Variants in CCDC7 observed in about 807,000 individuals in gnomAD.
The protein encoded by CCDC7 is coiled-coil domain containing 7.
Under a neutral mutation model 196.9 loss-of-function variants are expected in CCDC7, and 183 were observed. The observed-to-expected ratio is 0.93, with a 90% CI of 0.82 to 1.05. The LOEUF is 1.05. Among genes scored for constraint, CCDC7 ranks in the 50% least tolerant of loss-of-function variants. The pLI, the probability that CCDC7 is intolerant of heterozygous loss-of-function variation, is 0.00. For missense variants in CCDC7, 1,540 were observed against 1,482.2 expected (o/e 1.04, Z -0.64); for synonymous variants, 525 against 484.6 (o/e 1.08, Z -1.10).
intron 11 of CCDC7, among the ~76,000 whole-genome samples, chr10:32,526,601 C>T (rs1281831014): frequency 6.6e-6 from 1 of 152,082 alleles, no homozygotes; most frequent in Non-Finnish European, 1.5e-5. Context: ...TATTCAGGGC[C>T]CAGGGCTCTT....
chr10:32,590,307 C>T (rs2059665871), intron 18 of CCDC7, among the ~76,000 whole-genome samples: 1 of 147,086 alleles, frequency 6.8e-6, no homozygotes, highest in Non-Finnish European at 1.5e-5. Context: ...GATAACTTAA[C>T]ACTGATTGCA....
intron 31 of CCDC7, among the ~76,000 whole-genome samples, chr10:32,816,280 G>A (rs1346508069): frequency 3.3e-5 from 5 of 152,196 alleles, no homozygotes. Context: ...GTGGCAGCGA[G>A]GCTGGTGGAG....
At chr10:32,662,223 G>T (rs1299413031) in intron 20 of CCDC7, among the ~76,000 whole-genome samples, 1 of 152,130 alleles carries the variant, frequency 6.6e-6, no homozygotes, top group Non-Finnish European at 1.5e-5. Flanking sequence ...GGACACTGCT[G>T]AGCAATGGGG....
chr10:32,649,991 C>G (rs2068451592), intron 20 of CCDC7, among the ~76,000 whole-genome samples: 1 of 152,196 alleles, frequency 6.6e-6, no homozygotes, highest in African/African-American at 2.4e-5. Flanking sequence ...CGTCAAGATT[C>G]TGAATTCCAT....
chr10:32,651,890 C>T (rs2068828608), intron 20 of CCDC7, among the ~76,000 whole-genome samples: 2 of 152,226 alleles, frequency 1.3e-5, no homozygotes, highest in East Asian at 1.9e-4. Flanking sequence ...AAGATTTAGG[C>T]GGTTTTTTAT....
rs1001117089 is a variant in CCDC7 at position 32,583,409 on chromosome 10, A to C, written c.1728+102A>C. The C allele has an allele frequency of 2.3e-5, 18 of 772,992 alleles. No homozygotes were observed. In the African/African-American group the frequency reaches 3.1e-4, roughly 13 times the overall value. The allele number at this position is 772,992 out of a possible 1,614,324, so 47.9% of individuals were successfully genotyped here. ...TGGGTTAAAAATTCAATATTTTCTTATTTCAAGAGAATTAAAAGTTTGCCT... is the reference window on the plus strand; with the variant it reads ...TGGGTTAAAAATTCAATATTTTCTTCTTTCAAGAGAATTAAAAGTTTGCCT... On this transcript the variant is annotated intron_variant, in intron 17 of 41. Transcript: ENST00000639629.
chr10:32,645,774 G>A (rs1020972686), intron 20 of CCDC7, among the ~76,000 whole-genome samples: 2 of 151,756 alleles, frequency 1.3e-5, no homozygotes, highest in South Asian at 2.1e-4. Flanking sequence ...GGTAACTTGC[G>A]TGTGTCCAAG....
intron 13 of CCDC7, among the ~76,000 whole-genome samples, chr10:32,550,211 T>C (rs2053238545): frequency 6.6e-6 from 1 of 151,972 alleles, no homozygotes; most frequent in South Asian, 2.1e-4. Flanking sequence ...GATTTTCCGC[T>C]TGGTTGCTGT....
At chr10:32,579,647 A>T (rs2058559276) in intron 16 of CCDC7, among the ~76,000 whole-genome samples, 1 of 152,178 alleles carries the variant, frequency 6.6e-6, no homozygotes, top group Non-Finnish European at 1.5e-5. Flanking sequence ...GCAAAGCAAA[A>T]TGAGCAAAGG....
chr10:32,469,495 G>A (rs1294834121), intron 5 of CCDC7, among the ~76,000 whole-genome samples: 3 of 152,210 alleles, frequency 2.0e-5, no homozygotes, highest in Middle Eastern at 6.3e-3. Context: ...CACTGGGAAG[G>A]TGTCCATGAG....
Position 32,841,886 on chromosome 10 carries a change from G to C in CCDC7, c.3353-3357G>C, listed in dbSNP as rs117537061. 7.9e-3 allele frequency among the ~76,000 whole-genome samples: 1,200 copies of C among 152,116 alleles called. 7 individuals carry two copies. Among genetic ancestry groups the C allele is most frequent in the Middle Eastern group, 0.02 (6 of 294 alleles). On this transcript the variant is annotated intron_variant, in intron 33 of 41. Transcript: ENST00000639629. ...ACACCGTATTCAACGAATGTTGCTG[G>C]AGTAATTGTCAAGCCACATGTAGAA...
chr10:32,529,927 C>A (rs986127317), intron 11 of CCDC7, among the ~76,000 whole-genome samples: 4 of 152,132 alleles, frequency 2.6e-5, no homozygotes, highest in Non-Finnish European at 5.9e-5. Context: ...GTCTTTGATC[C>A]ATCTTGAGTT....
chr10:32,862,166 C>A (rs1024665992), intron 41 of CCDC7, among the ~76,000 whole-genome samples: 2 of 152,108 alleles, frequency 1.3e-5, no homozygotes, highest in African/African-American at 4.8e-5. Context: ...GGAACCAACC[C>A]AAATGCCCAT....
Position 32,673,948 on chromosome 10 carries a change from TC to T in CCDC7, c.2122+9788del, listed in dbSNP as rs1466158422. Among the ~76,000 whole-genome samples, 43 of 152,134 alleles carry T rather than the reference TC, an allele frequency of 2.8e-4. 2 individuals are homozygous for T. The highest frequency in any genetic ancestry group is 2.8e-3 in the Admixed American group (43 of 15,256). ...GTGATCTTTTCTCATTTCCATGGCA[TC>T]AGTTGTAGTGTCTCCTCTTTCATCT... is the stretch of plus-strand genomic sequence containing the variant. On this transcript the variant is annotated intron_variant, in intron 21 of 41. Coordinates refer to ENST00000639629, the Ensembl canonical transcript of CCDC7.
intron 20 of CCDC7, among the ~76,000 whole-genome samples, chr10:32,659,011 GT>G (rs71515572): frequency 0.14 from 20,977 of 151,978 alleles, 1,750 homozygotes; most frequent in East Asian, 0.25. Context: ...CATTTCTAGA[GT>G]TTTTCTAGTC....
chr10:32,805,141 C>A, intron 30 of CCDC7, 43 bp downstream of exon 31: 1 of 1,424,354 alleles, frequency 7.0e-7, no homozygotes, highest in Non-Finnish European at 9.9e-7. Context: ...ATTTATTTTT[C>A]TCCTTCAAAG....
At chr10:32,500,430 G>A (rs910824900) in intron 9 of CCDC7, among the ~76,000 whole-genome samples, 47 of 151,072 alleles carry the variant, frequency 3.1e-4, no homozygotes, top group African/African-American at 1.1e-3. Context: ...AGGCAGAGGC[G>A]CTCTTCACAT....
chr10:32,529,904 GC>G (rs1282868857), intron 11 of CCDC7, among the ~76,000 whole-genome samples: 1 of 152,120 alleles, frequency 6.6e-6, no homozygotes, highest in Non-Finnish European at 1.5e-5. Flanking sequence ...ACGGTTTCAG[GC>G]CTTAGATTTA....
At chr10:32,625,152 G>T (rs1219565282) in intron 18 of CCDC7, among the ~76,000 whole-genome samples, 10 of 151,286 alleles carry the variant, frequency 6.6e-5, no homozygotes, top group African/African-American at 9.7e-5. Context: ...ATGGTATTAT[G>T]CTTAAAATTT....
Sources: allele counts gnomAD v4.1 joint callset (sites outside exome capture counted in the v4.1 genomes callset), GRCh38; gene constraint gnomAD v4.1.1; transcripts MANE v1.5; gene names NCBI Gene and HGNC (gene_info 2026-07-23, HGNC 2026-07-21).